LCT: variants seen among roughly 807,000 people sequenced by gnomAD.
LCT encodes the protein lactase.
Under a neutral mutation model 173.0 loss-of-function variants are expected in LCT, and 90 were observed. That is an observed-to-expected ratio of 0.52 (90% CI 0.44 to 0.62). The LOEUF is 0.62. Among genes scored for constraint, LCT ranks in the 20% least tolerant of loss-of-function variants. The pLI, the probability that LCT is intolerant of heterozygous loss-of-function variation, is 0.00. For missense variants in LCT, 1,864 were observed against 2,431.4 expected, an observed-to-expected ratio of 0.77 and a Z score of 4.91; for synonymous variants, 853 against 957.6, an observed-to-expected ratio of 0.89 and a Z score of 2.02.
intron 4 of LCT, among the ~76,000 whole-genome samples, chr2:135,823,688 C>T (rs186174364): frequency 1.0e-3 from 157 of 152,274 alleles, no homozygotes; most frequent in Non-Finnish European, 1.7e-3. Context: ...ATCCTTGTGT[C>T]GAACCTCTCC....
chr2:135,835,997 T>TATATATATATAC (rs1679345675), intron 1 of LCT, among the ~76,000 whole-genome samples: 1 of 61,046 alleles, frequency 1.6e-5, no homozygotes, highest in African/African-American at 4.8e-5. Flanking sequence ...TATATATATA[T>TATATATATATAC]ATATATATAT....
At chr2:135,827,144 A>G (rs115307532) in intron 3 of LCT, among the ~76,000 whole-genome samples, 3,453 of 152,054 alleles carry the variant, frequency 0.023, 139 homozygotes, top group African/African-American at 0.079. Context: ...ATACTTGGTT[A>G]ATTTTTGTAT....
chr2:135,794,301 A>G (rs2077560141), intron 14 of LCT: 1 of 233,256 alleles, frequency 4.3e-6, no homozygotes, highest in African/African-American at 2.2e-5. Flanking sequence ...AACCTAAACA[A>G]TTTTTTTCTT....
At chr2:135,825,450 G>C (rs1263052759) in intron 3 of LCT, among the ~76,000 whole-genome samples, 3 of 152,160 alleles carry the variant, frequency 2.0e-5, no homozygotes, top group Non-Finnish European at 4.4e-5. Flanking sequence ...GGGAAGCAAG[G>C]GTTTTCTCCT....
chr2:135,807,503 G>A (rs1428906121), intron 8 of LCT, 107 bp from the exon 9 acceptor site: 1 of 1,046,942 alleles, frequency 9.6e-7, no homozygotes, highest in African/African-American at 1.6e-5. Flanking sequence ...GGTCCTAAAA[G>A]TGACATACAC....
At chr2:135,814,805 G>A (rs940747105) in intron 6 of LCT, among the ~76,000 whole-genome samples, 100 of 152,148 alleles carry the variant, frequency 6.6e-4, no homozygotes, top group African/African-American at 2.1e-3. Context: ...GTGAGCCACC[G>A]CGCCTGGCCC....
chr2:135,836,890 C>T lies in LCT; in HGVS notation c.280G>A (p.Ala94Thr), dbSNP rs139740186. The T allele has an allele frequency of 5.2e-5, 84 of 1,613,962 alleles. No homozygotes were observed. The highest frequency in any genetic ancestry group is 6.9e-5 in the Non-Finnish European group (81 of 1,180,020). Residue 94 changes from alanine to threonine, a missense_variant, in exon 1 of 17, where the codon GCA becomes ACA. Around this residue, in one of 4 missense-constraint regions of LCT, gnomAD observed 412 missense variants for 462.0 expected, o/e 0.89. Coordinates refer to ENST00000264162, the MANE Select transcript of LCT (RefSeq NM_002299.4). ...ITHYKVFLSWAQLLPAGSTQN... is the reference protein window; with the variant it reads ...ITHYKVFLSWTQLLPAGSTQN... ...GTGCTTCCTGCTGGGAGGAGCTGTG[C>T]CCATGACAGAAATACCTTATAATGG...
At chr2:135,810,287 T>C in intron 7 of LCT, 1 of 303,896 alleles carries the variant, frequency 3.3e-6, no homozygotes, top group South Asian at 9.0e-5. Context: ...GCGAGGACTG[T>C]TTTTCAATAA....
Position 135,817,484 on chromosome 2 carries a change from A to G in LCT, c.1564T>C (p.Tyr522His). The change falls in exon 6 of 17, where the codon TAT (tyrosine) becomes CAT (histidine). Residue 522 changes from tyrosine (Y) to histidine (H), a missense_variant. Coordinates refer to ENST00000264162, the MANE Select transcript of LCT (RefSeq NM_002299.4). ...AATGTGGAGAAGCAGAAGGCCGCAT[A>G]GTCCAGGAAGGCATCCACCACGCTC... is the stretch of plus-strand genomic sequence containing the variant. ...NESVVDAFLDYAAFCFSTFGD... is the reference protein window; with the variant it reads ...NESVVDAFLDHAAFCFSTFGD... The G allele has an allele frequency of 1.9e-6, 3 of 1,614,212 alleles. No individual in the cohort carries two copies. Among genetic ancestry groups the G allele is most frequent in the Non-Finnish European group, 2.5e-6 (3 of 1,180,036 alleles).
Position 135,790,341 on chromosome 2 carries a change from C to A in LCT, c.5335+317G>T, listed in dbSNP as rs554570405. 6.6e-5 allele frequency among the ~76,000 whole-genome samples: 10 copies of A among 152,306 alleles called. No homozygotes were observed. Among genetic ancestry groups the A allele is most frequent in the African/African-American group, 2.2e-4 (9 of 41,574 alleles). On this transcript the variant is annotated intron_variant, in intron 15 of 16. Coordinates refer to ENST00000264162, the MANE Select transcript of LCT (RefSeq NM_002299.4). The surrounding 1 kb of genome is among the most constrained non-coding windows in gnomAD (Gnocchi z 4.1). ...CCTACAGGCAACCACACAGCCTACT[C>A]CTCCTGGGCCCTACCCAGACCATTC...
At chr2:135,798,176 G>T in intron 12 of LCT, 38 bp from the exon 13 acceptor site, 2 of 1,073,100 alleles carry the variant, frequency 1.9e-6, no homozygotes, top group Non-Finnish European at 2.9e-6. Flanking sequence ...AGGCGTTACA[G>T]GTGGGCACAG....
At position 135,808,482 on chromosome 2, in the gene LCT, T is replaced by C. The variant is rs1399422158; in HGVS notation, c.3865A>G (p.Ile1289Val). ...TNPNTEDTDR[I>V]FYHKTYINEA... The stretch of plus-strand genomic sequence containing the variant: ...TTGATGTAGGTTTTGTGGTAAAATA[T>C]CCTATCAGTATCCTCCGTGTTCGGA... The change falls in exon 8 of 17, where the codon ATA becomes GTA. Residue 1289 changes from isoleucine to valine, a missense_variant. By Grantham distance (29) the Ile-to-Val change is conservative. Around this residue, in one of 4 missense-constraint regions of LCT, gnomAD observed 755 missense variants for 926.3 expected, o/e 0.82. Coordinates refer to ENST00000264162, the MANE Select transcript of LCT (RefSeq NM_002299.4). The C allele has an allele frequency of 9.9e-6, 16 of 1,614,016 alleles. No homozygotes were observed. The highest frequency in any genetic ancestry group is 2.7e-5 in the African/African-American group (2 of 74,942).
In LCT at chr2:135,824,023, G is replaced by A. The variant is rs1185784267; in HGVS notation, c.805-20C>T. The A allele has an allele frequency of 3.3e-6, 5 of 1,513,986 alleles. No individual in the cohort carries two copies. The highest frequency in any genetic ancestry group is 4.6e-6 in the Non-Finnish European group (5 of 1,088,598). 93.8% of individuals were successfully genotyped at this position (1,513,986 alleles called of 1,614,324 possible). ...AATGGTCTGAAAAAGAGAAGGACCA[G>A]CAAGTGAACTGAAGCCTCCTGGAAA... On this transcript the variant is annotated intron_variant, in intron 3 of 16. Transcript: ENST00000264162.
intron 4 of LCT, chr2:135,823,212 G>T: frequency 6.3e-6 from 1 of 158,196 alleles, no homozygotes. Flanking sequence ...AGACAGACAA[G>T]AGTGAATATC....
Position 135,833,182 on chromosome 2 carries a change from G to A in LCT, c.649C>T (p.Leu217Phe), listed in dbSNP as rs767592359. Reference protein sequence around the residue: ...HESYAFQGGKLSVVLRAEDIP... With the variant: ...HESYAFQGGKFSVVLRAEDIP... ...TCTTCAGCTCGCAGGACAACAGAGA[G>A]TTTTCCGCCTGAAACCAACCAGAGA... Residue 217 changes from leucine to phenylalanine, a missense_variant, in exon 2 of 17, where the codon CTC (leucine) becomes TTC (phenylalanine). Around this residue, in one of 4 missense-constraint regions of LCT, gnomAD observed 412 missense variants for 462.0 expected, o/e 0.89. Transcript: ENST00000264162. 1.9e-6 allele frequency: 3 copies of A among 1,613,760 alleles called. No individual in the cohort carries two copies. The East Asian group carries it at 6.7e-5, about 36-fold the overall frequency.
chr2:135,796,008 G>A (rs1416918680), intron 13 of LCT, among the ~76,000 whole-genome samples: 2 of 152,152 alleles, frequency 1.3e-5, no homozygotes, highest in African/African-American at 4.8e-5. Flanking sequence ...CAATCCTCCT[G>A]CCTCAGCCTC....
In LCT at chr2:135,804,990, A is replaced by C. The variant is rs1247349596; in HGVS notation, c.4241T>G (p.Leu1414Arg). Residue 1414 changes from leucine (L) to arginine (R), a missense_variant, in exon 10 of 17, where the codon CTG becomes CGG. By Grantham distance (102) the Leu-to-Arg change is moderately radical. This residue lies in a region of LCT where 514 missense variants were observed against 750.1 expected (regional missense o/e 0.69). Transcript: ENST00000264162. ...SIWDTFSHTP[L>R]RVENDAIGDV... Reference sequence around the variant, plus strand: ...TCCAATGGCATCGTTCTCAACCCTCAGTGGTGTGTGAGAAAACGTGTCCCA... The same window carrying C: ...TCCAATGGCATCGTTCTCAACCCTCCGTGGTGTGTGAGAAAACGTGTCCCA... 6.2e-7 allele frequency: 1 copy of C among 1,614,146 alleles called. No individual in the cohort carries two copies. Among genetic ancestry groups the C allele is most frequent in the East Asian group, 2.2e-5 (1 of 44,880 alleles).
At chr2:135,829,483 T>A (rs2077915644) in intron 3 of LCT, 110 bp downstream of exon 3, 13 of 839,696 alleles carry the variant, frequency 1.5e-5, no homozygotes, top group Non-Finnish European at 2.3e-5. Flanking sequence ...AGCCGGTCTC[T>A]GCTGTTGATG....
At position 135,790,489 on chromosome 2, in the gene LCT, G is replaced by GA. The variant is rs1011633295; in HGVS notation, c.5335+168dup. The stretch of plus-strand genomic sequence containing the variant: ...GCTTGCTGAGCTTAGACATAGGAAG[G>GA]AAAAAAACTCAGAGTGCGGCCCTAA... On this transcript the variant is annotated intron_variant, in intron 15 of 16. Coordinates refer to ENST00000264162, the MANE Select transcript of LCT (RefSeq NM_002299.4). The surrounding 1 kb of genome is among the most constrained non-coding windows in gnomAD (Gnocchi z 4.1). Among the ~76,000 whole-genome samples the GA allele has an allele frequency of 6.6e-6, 1 of 152,088 alleles. No homozygotes were observed. Among genetic ancestry groups the GA allele is most frequent in the Admixed American group, 6.5e-5 (1 of 15,278 alleles).
Sources: gnomAD v4.1 joint callset for allele counts (sites outside exome capture counted in the v4.1 genomes callset) on GRCh38, gnomAD v4.1.1 for gene constraint, gnomAD v4.1.1 regional missense constraint, Gnocchi (gnomAD v3.1) non-coding constraint, MANE v1.5 for transcripts, NCBI Gene and HGNC (gene_info 2026-07-23, HGNC 2026-07-21) for gene names.